The following GRK4 variants were observed in gnomAD, a reference collection of about 807,000 sequenced individuals.
GRK4 encodes the protein G protein-coupled receptor kinase 4, also known as G protein-coupled receptor kinase 2-like.
GRK4 carries 73 observed loss-of-function variants against 77.9 expected under a neutral mutation model. The ratio of observed to expected loss-of-function variants is 0.94; its 90% CI spans 0.78 to 1.14. The LOEUF is 1.14. Among genes scored for constraint, GRK4 ranks in the 50% most tolerant of loss-of-function variants. The probability of loss-of-function intolerance (pLI) is 0.00; values close to 1 mark genes in which losing one functional copy is unlikely to be tolerated. For missense variants in GRK4, 729 were observed against 700.2 expected, an observed-to-expected ratio of 1.04 and a Z score of -0.46; for synonymous variants, 257 against 254.4, an observed-to-expected ratio of 1.01 and a Z score of -0.10.
intron 8 of GRK4, among the ~76,000 whole-genome samples, chr4:3,014,294 CTCTT>C (rs1733796919): frequency 1.7e-5 from 2 of 120,642 alleles, no homozygotes; most frequent in African/African-American, 6.8e-5. Flanking sequence ...CTCTCTCTCT[CTCTT>C]TTTTTTTTTT....
chr4:2,969,358 T>A (rs976457585), intron 1 of GRK4: 5 of 149,678 alleles, frequency 3.3e-5, no homozygotes, highest in Non-Finnish European at 7.4e-5. Context: ...TTTTCTTTTC[T>A]TTTCTTTCTT....
chr4:2,972,400 G>A (rs1342905346), intron 1 of GRK4, among the ~76,000 whole-genome samples: 1 of 152,150 alleles, frequency 6.6e-6, no homozygotes, highest in African/African-American at 2.4e-5. Flanking sequence ...ACCGGGCCCG[G>A]GCCAAACAGC....
chr4:3,012,023 G>T (rs1733064641), intron 7 of GRK4, among the ~76,000 whole-genome samples: 1 of 152,210 alleles, frequency 6.6e-6, no homozygotes. Flanking sequence ...CTCTAGCAGG[G>T]AAATAATCGG....
intron 4 of GRK4, among the ~76,000 whole-genome samples, chr4:2,999,461 C>A (rs1182934640): frequency 1.3e-5 from 2 of 152,174 alleles, no homozygotes; most frequent in East Asian, 3.8e-4. Context: ...GGGCACACAT[C>A]CAAACGATAA....
intron 12 of GRK4, among the ~76,000 whole-genome samples, chr4:3,033,582 TTTG>T (rs1343497567): frequency 6.6e-6 from 1 of 152,180 alleles, no homozygotes; most frequent in African/African-American, 2.4e-5. Context: ...TATTAATTTA[TTTG>T]TTGTTGTTTC....
intron 1 of GRK4, chr4:2,965,191 G>T (rs1320324514): frequency 1.5e-6 from 1 of 681,554 alleles, no homozygotes; most frequent in Non-Finnish European, 2.7e-6. Flanking sequence ...CTGAGCTGGT[G>T]CGTACCTTAA....
At chr4:2,979,244 A>C (rs1372431415) in intron 1 of GRK4, among the ~76,000 whole-genome samples, 7 of 151,482 alleles carry the variant, frequency 4.6e-5, no homozygotes, top group Middle Eastern at 3.2e-3. Context: ...AACAAAAAAA[A>C]ACCCCACAAA....
intron 4 of GRK4, among the ~76,000 whole-genome samples, chr4:2,992,871 C>T (rs116750263): frequency 3.3e-5 from 5 of 151,878 alleles, no homozygotes; most frequent in African/African-American, 1.2e-4. Flanking sequence ...GTGTTCTCAG[C>T]TACTTGGGAG....
At chr4:2,986,291 T>TC (rs1294544008) in intron 2 of GRK4, among the ~76,000 whole-genome samples, 1 of 148,350 alleles carries the variant, frequency 6.7e-6, no homozygotes, top group Non-Finnish European at 1.5e-5. Flanking sequence ...TTTTTTTTTT[T>TC]CAATGTTTCC....
At chr4:3,020,845 A>G (rs1229663947) in intron 9 of GRK4, among the ~76,000 whole-genome samples, 1 of 152,230 alleles carries the variant, frequency 6.6e-6, no homozygotes, top group African/African-American at 2.4e-5. Flanking sequence ...TTGCGTCTGT[A>G]TTGAACATGT....
chr4:3,020,290 G>A lies in GRK4; in HGVS notation c.932+459G>A, dbSNP rs547410226. The stretch of plus-strand genomic sequence containing the variant: ...AAAAGTGCTGGGATTACAGGTGTGA[G>A]CCACCGTGCCCAGCCTAAATCTCTA... On this transcript the variant is annotated intron_variant, in intron 9 of 15. Coordinates refer to ENST00000398052, the MANE Select transcript of GRK4 (RefSeq NM_182982.3). Among the ~76,000 whole-genome samples the A allele has an allele frequency of 2.2e-4, 33 of 152,290 alleles. 1 individual carries two copies. The South Asian group carries it at 4.1e-3, about 19-fold the overall frequency.
chr4:3,013,826 G>A lies in GRK4; in HGVS notation c.739G>A (p.Val247Ile), dbSNP rs1140085. The change falls in exon 8 of 16, where the codon GTA becomes ATA. Residue 247 changes from valine to isoleucine, a missense_variant and splice_region_variant. Transcript: ENST00000398052. ...TCTGGAGAAAGTGCAAAGTAGATTC[G>A]TAGTAAGTGTCTCCTCTTAGTCTTC... is the stretch of plus-strand genomic sequence containing the variant. ...RILEKVQSRFVVSLAYAYETK... is the reference protein window; with the variant it reads ...RILEKVQSRFIVSLAYAYETK... The A allele has an allele frequency of 0.12, 200,382 of 1,605,920 alleles. 14,980 individuals carry two copies. Among genetic ancestry groups the A allele is most frequent in the Non-Finnish European group, 0.14 (168,111 of 1,177,238 alleles).
chr4:3,031,402 A>G (rs1393274254), intron 12 of GRK4, among the ~76,000 whole-genome samples: 1 of 152,148 alleles, frequency 6.6e-6, no homozygotes, highest in African/African-American at 2.4e-5. Context: ...TGCGGACCTG[A>G]AGGGAGGGGA....
intron 1 of GRK4, among the ~76,000 whole-genome samples, chr4:2,972,266 C>T (rs1356775549): frequency 6.6e-6 from 1 of 152,072 alleles, no homozygotes; most frequent in East Asian, 1.9e-4. Flanking sequence ...TGCCTGTGGC[C>T]CTGCCGACCA....
intron 1 of GRK4, among the ~76,000 whole-genome samples, chr4:2,980,622 T>C (rs1489079706): frequency 6.6e-6 from 1 of 151,998 alleles, no homozygotes; most frequent in Non-Finnish European, 1.5e-5. Context: ...ACAGCTCACC[T>C]CTTGCCTGAC....
chr4:3,012,944 C>T (rs1464514739), intron 7 of GRK4, among the ~76,000 whole-genome samples: 1 of 151,800 alleles, frequency 6.6e-6, no homozygotes, highest in African/African-American at 2.4e-5. Context: ...GAGTTCAAGA[C>T]CAGCCTGGCC....
intron 1 of GRK4, among the ~76,000 whole-genome samples, chr4:2,968,733 GT>G (rs1374768897): frequency 9.9e-5 from 15 of 152,188 alleles, no homozygotes; most frequent in Admixed American, 9.8e-4. Context: ...AGGGATGGGG[GT>G]AGGAAGCGCC....
chr4:2,989,386 A>G (rs1283524010), intron 3 of GRK4, among the ~76,000 whole-genome samples: 1 of 152,172 alleles, frequency 6.6e-6, no homozygotes, highest in East Asian at 1.9e-4. Context: ...TATGAAGATG[A>G]CAAACTAATT....
At position 3,021,409 on chromosome 4, in the gene GRK4, C is replaced by A. The variant is rs147935176; in HGVS notation, c.933-1005C>A. Among the ~76,000 whole-genome samples, 5 of 152,274 alleles carry A rather than the reference C, an allele frequency of 3.3e-5. No homozygotes were observed. The East Asian group carries it at 9.6e-4, about 29-fold the overall frequency. ...CCCGTGTTGTCTGCTCAGATGGTCA[C>A]GTCAGACGATGAGCTTCTTGGGAGT... On this transcript the variant is annotated intron_variant, in intron 9 of 15. Coordinates refer to ENST00000398052, the MANE Select transcript of GRK4 (RefSeq NM_182982.3).
Sources: allele counts gnomAD v4.1 joint callset (sites outside exome capture counted in the v4.1 genomes callset), GRCh38; gene constraint gnomAD v4.1.1; transcripts MANE v1.5; gene names NCBI Gene and HGNC (gene_info 2026-07-23, HGNC 2026-07-21).